Variants in RBPJ observed in about 807,000 individuals in gnomAD.
The protein encoded by RBPJ is recombining binding protein suppressor of hairless.
A neutral mutation model predicts 67.8 loss-of-function variants in RBPJ; 9 were observed. The ratio of observed to expected loss-of-function variants is 0.13; its 90% CI spans 0.08 to 0.23. RBPJ has a LOEUF of 0.23. RBPJ is among the 10% of genes least tolerant of loss of function. The pLI, the probability that RBPJ is intolerant of heterozygous loss-of-function variation, is 1.00. For missense variants in RBPJ, 305 were observed against 595.6 expected (o/e 0.51, Z 5.08); for synonymous variants, 198 against 203.3 (o/e 0.97, Z 0.22).
At chr4:26,121,636 C>G in the RBPJ span, among the ~76,000 whole-genome samples, 1 of 152,024 alleles carries the variant, frequency 6.6e-6, no homozygotes, top group South Asian at 2.1e-4. Context: ...AGTTTTCAAC[C>G]AGACGTAATT....
chr4:26,359,762 A>G (rs2109488976), intron 1 of RBPJ: 1 of 152,150 alleles, frequency 6.6e-6, no homozygotes, highest in East Asian at 1.9e-4. Flanking sequence ...GCTGGAGCTG[A>G]CCCTCGGCGT....
intron 1 of RBPJ, among the ~76,000 whole-genome samples, chr4:26,202,467 T>C (rs1474405837): frequency 6.6e-6 from 1 of 151,570 alleles, no homozygotes; most frequent in Non-Finnish European, 1.5e-5. Flanking sequence ...AGCTTCATCC[T>C]CACTCTTTCC....
chr4:26,391,851 T>C (rs1006781340), intron 2 of RBPJ, among the ~76,000 whole-genome samples: 1 of 152,206 alleles, frequency 6.6e-6, no homozygotes, highest in African/African-American at 2.4e-5. Flanking sequence ...AGTGTACCAT[T>C]AACTGGGTGG....
chr4:26,210,700 T>TTTCCTTCTTTCCTTCTTTCC (rs1553849153), intron 1 of RBPJ, among the ~76,000 whole-genome samples: 15 of 59,922 alleles, frequency 2.5e-4, no homozygotes, highest in East Asian at 2.1e-3. Context: ...TCTTTCTTTC[T>TTTCCTTCTTTCCTTCTTTCC]TTCTTTCCTT....
chr4:26,357,598 TAAAC>T (rs1347319572), intron 1 of RBPJ, among the ~76,000 whole-genome samples: 1 of 152,244 alleles, frequency 6.6e-6, no homozygotes, highest in Non-Finnish European at 1.5e-5. Context: ...ATTTACCATT[TAAAC>T]AATTTTAAAT....
At chr4:26,292,447 G>A (rs954488735) in intron 1 of RBPJ, among the ~76,000 whole-genome samples, 6 of 150,210 alleles carry the variant, frequency 4.0e-5, no homozygotes, top group Non-Finnish European at 7.4e-5. Flanking sequence ...ATGAGATGGA[G>A]TCTAGCTCTG....
chr4:26,108,028 G>A, the RBPJ span, among the ~76,000 whole-genome samples: 2 of 152,180 alleles, frequency 1.3e-5, no homozygotes, highest in Non-Finnish European at 1.5e-5. Flanking sequence ...CTTCTGTTGA[G>A]CCATTTACAT....
At chr4:26,323,205 A>G (rs1252821009) in intron 1 of RBPJ, among the ~76,000 whole-genome samples, 2 of 152,048 alleles carry the variant, frequency 1.3e-5, no homozygotes, top group Non-Finnish European at 2.9e-5. Context: ...GGGTTTTACC[A>G]ATAATCTTAT....
At chr4:26,122,744 C>T in the RBPJ span, among the ~76,000 whole-genome samples, 11 of 151,942 alleles carry the variant, frequency 7.2e-5, no homozygotes, top group African/African-American at 2.7e-4. Flanking sequence ...AACTGGCAAA[C>T]TTTGGCTGCA....
intron 2 of RBPJ, among the ~76,000 whole-genome samples, chr4:26,405,656 T>G (rs1032812911): frequency 4.3e-4 from 66 of 152,148 alleles, no homozygotes; most frequent in Non-Finnish European, 3.5e-4. Context: ...ACTATAGGCC[T>G]TTCTTGGTCC....
chr4:26,140,959 T>C, the RBPJ span, among the ~76,000 whole-genome samples: 1 of 152,174 alleles, frequency 6.6e-6, no homozygotes, highest in Non-Finnish European at 1.5e-5. Context: ...TCTGAACAAT[T>C]CATCTCCTCT....
At position 26,430,429 on chromosome 4, in the gene RBPJ, G is replaced by T; in HGVS notation, c.1055G>T (p.Gly352Val). ...PVVESLQLNG[G>V]GDVAMLELTG... ...TTCTGTGAATTGCAGTTGAATGGCG[G>T]TGGGGACGTAGCAATGCTTGAACTT... The change falls in exon 10 of 11, where the codon GGT becomes GTT. Residue 352 changes from glycine to valine, a missense_variant. Physicochemically the swap from Gly to Val is moderately radical, Grantham distance 109. Around this residue, in one of 7 missense-constraint regions of RBPJ, gnomAD observed 47 missense variants for 128.2 expected, o/e 0.37. Transcript: ENST00000355476. This position sits in a 1 kb window ranked among gnomAD's most constrained non-coding sequence, Gnocchi z 4.1. 6.2e-7 allele frequency: 1 copy of T among 1,612,434 alleles called. No individual in the cohort carries two copies. Among genetic ancestry groups the T allele is most frequent in the Non-Finnish European group, 8.5e-7 (1 of 1,179,290 alleles).
intron 1 of RBPJ, among the ~76,000 whole-genome samples, chr4:26,363,544 T>C (rs1452614160): frequency 6.6e-6 from 1 of 152,222 alleles, no homozygotes; most frequent in African/African-American, 2.4e-5. Context: ...GTTCAAGCAA[T>C]TCTCCTGTCT....
At chr4:26,125,354 G>T in the RBPJ span, among the ~76,000 whole-genome samples, 2 of 152,236 alleles carry the variant, frequency 1.3e-5, no homozygotes, top group East Asian at 1.9e-4. Flanking sequence ...GGAGTGCAAA[G>T]GTTGATTTTT....
At chr4:26,237,550 C>T (rs1378483333) in intron 1 of RBPJ, among the ~76,000 whole-genome samples, 1 of 152,136 alleles carries the variant, frequency 6.6e-6, no homozygotes, top group Non-Finnish European at 1.5e-5. Context: ...CTTGTCAGTG[C>T]AAACACACTA....
intron 1 of RBPJ, among the ~76,000 whole-genome samples, chr4:26,268,386 T>C (rs868457570): frequency 2.0e-5 from 3 of 152,236 alleles, no homozygotes; most frequent in Non-Finnish European, 4.4e-5. Flanking sequence ...TTCTCTCCAA[T>C]ACCAGGATGC....
At chr4:26,113,515 G>A in the RBPJ span, 5 of 539,206 alleles carry the variant, frequency 9.3e-6, no homozygotes, top group African/African-American at 5.7e-5. Context: ...GTGGAAAAAC[G>A]TTCTGTGCGA....
intron 1 of RBPJ, among the ~76,000 whole-genome samples, chr4:26,378,486 AG>A (rs1729986047): frequency 6.6e-6 from 1 of 152,174 alleles, no homozygotes; most frequent in Non-Finnish European, 1.5e-5. Flanking sequence ...GATTTAACCC[AG>A]GGGAATCCCT....
chr4:26,357,984 G>A (rs997466041), intron 1 of RBPJ, among the ~76,000 whole-genome samples: 1 of 151,174 alleles, frequency 6.6e-6, no homozygotes, highest in Non-Finnish European at 1.5e-5. Context: ...GGTTACTTAT[G>A]CTCGGGTGTT....
Sources: allele counts gnomAD v4.1 joint callset (sites outside exome capture counted in the v4.1 genomes callset), GRCh38; gene constraint gnomAD v4.1.1; regional missense constraint gnomAD v4.1.1; non-coding constraint Gnocchi (gnomAD v3.1); transcripts MANE v1.5; gene names NCBI Gene and HGNC (gene_info 2026-07-23, HGNC 2026-07-21).